Variants in GPM6B observed in about 807,000 individuals in gnomAD.
GPM6B encodes glycoprotein M6B.
Under a neutral mutation model 27.2 loss-of-function variants are expected in GPM6B, and 4 were observed. The ratio of observed to expected loss-of-function variants is 0.15; its 90% CI spans 0.07 to 0.34. The LOEUF (loss-of-function observed/expected upper bound fraction) is 0.34. Among genes scored for constraint, GPM6B ranks in the 10% least tolerant of loss-of-function variants. The probability of loss-of-function intolerance (pLI) is 1.00; values close to 1 mark genes in which losing one functional copy is unlikely to be tolerated. For synonymous variants in GPM6B, 124 were observed against 103.1 expected, an observed-to-expected ratio of 1.20 and a Z score of -1.23; for missense variants, 183 against 261.9, an observed-to-expected ratio of 0.70 and a Z score of 2.08.
intron 1 of GPM6B, among the ~76,000 whole-genome samples, chrX:13,839,605 C>T (rs1271274470): frequency 1.8e-5 from 2 of 111,238 alleles, no homozygotes; most frequent in African/African-American, 3.3e-5. Context: ...ATTTCCATCT[C>T]GCTTTCTCAT....
intron 1 of GPM6B, among the ~76,000 whole-genome samples, chrX:13,899,753 T>C (rs760804993): frequency 3.6e-5 from 4 of 111,286 alleles, no homozygotes; most frequent in African/African-American, 1.3e-4. Context: ...GTACGGACAT[T>C]GAGCAACTTT....
rs182631539 is a variant in GPM6B at position 13,839,977 on chromosome X, C to T, written c.-197-54169G>A. 9.9e-5 allele frequency among the ~76,000 whole-genome samples: 11 copies of T among 111,295 alleles called. No homozygotes were observed. The South Asian group carries it at 1.5e-3, about 15-fold the overall frequency. On this transcript the variant is annotated intron_variant, in intron 1 of 6. Coordinates refer to the GPM6B transcript ENST00000398361. ...AGGCAGTGTGGTAGTGATAAATGGA[C>T]GTACATGGATTAGTAGAACAGAATA...
At chrX:13,803,923 C>T (rs1166070760) in intron 2 of GPM6B, among the ~76,000 whole-genome samples, 1 of 111,659 alleles carries the variant, frequency 9.0e-6, no homozygotes, top group Non-Finnish European at 1.9e-5. Context: ...TAAATAGAAA[C>T]GGAAAGAAGA....
intron 1 of GPM6B, among the ~76,000 whole-genome samples, chrX:13,832,010 T>C (rs1603058854): frequency 8.9e-6 from 1 of 111,981 alleles, no homozygotes; most frequent in East Asian, 2.8e-4. Context: ...TAAGATTGGT[T>C]AAGATCTTTT....
intron 1 of GPM6B, among the ~76,000 whole-genome samples, chrX:13,871,275 C>T (rs2049975716): frequency 9.0e-6 from 1 of 111,406 alleles, no homozygotes; most frequent in Non-Finnish European, 1.9e-5. Context: ...TGGTTAATTC[C>T]ATCTTCTTAA....
intron 2 of GPM6B, among the ~76,000 whole-genome samples, chrX:13,796,135 G>C (rs1220531816): frequency 9.0e-6 from 1 of 111,339 alleles, no homozygotes; most frequent in African/African-American, 3.3e-5. Context: ...ATGTTGGTCA[G>C]GCTGGTCTCG....
chrX:13,771,349 G>A lies in GPM6B; in HGVS notation c.*1532C>T, dbSNP rs1271956799. On this transcript the variant is annotated 3_prime_UTR_variant, in exon 8 of 8. Coordinates refer to ENST00000316715, the MANE Select transcript of GPM6B (RefSeq NM_001001995.3). ...GAAAACAAAACACTAAGCTATTTTG[G>A]AACAACTGTTCTACACAGAAGAGAG... The A allele has an allele frequency of 2.8e-5, 3 of 106,894 alleles. No individual in the cohort carries two copies. Among genetic ancestry groups the A allele is most frequent in the African/African-American group, 1.0e-4 (3 of 29,109 alleles). 8.8% of individuals were successfully genotyped at this position (106,894 alleles called of 1,213,427 possible).
intron 1 of GPM6B, among the ~76,000 whole-genome samples, chrX:13,930,522 A>G (rs1273033717): frequency 9.0e-6 from 1 of 111,577 alleles, no homozygotes; most frequent in African/African-American, 3.3e-5. Flanking sequence ...ACTGAGGCAG[A>G]AGAATGGCGT....
At chrX:13,836,451 C>G (rs1200934197) in intron 1 of GPM6B, among the ~76,000 whole-genome samples, 1 of 112,232 alleles carries the variant, frequency 8.9e-6, no homozygotes, top group Non-Finnish European at 1.9e-5. Context: ...TAGTTTCTAT[C>G]CAATGAAGTT....
At chrX:13,908,286 A>G (rs551538624) in intron 1 of GPM6B, among the ~76,000 whole-genome samples, 1 of 111,963 alleles carries the variant, frequency 8.9e-6, no homozygotes, top group Admixed American at 9.5e-5. Flanking sequence ...TATCACCAGC[A>G]GTGAGATATA....
At chrX:13,877,031 G>T (rs980481355) in intron 1 of GPM6B, among the ~76,000 whole-genome samples, 4 of 110,716 alleles carry the variant, frequency 3.6e-5, no homozygotes, top group Non-Finnish European at 5.7e-5. Context: ...GCAAGGCCTG[G>T]GTCACAGGGC....
At chrX:13,862,874 T>TG (rs1446134244) in intron 1 of GPM6B, among the ~76,000 whole-genome samples, 1 of 108,107 alleles carries the variant, frequency 9.3e-6, no homozygotes, top group Non-Finnish European at 1.9e-5. Context: ...TTTTTTTTTT[T>TG]TCTGTAGAGA....
At chrX:13,902,197 A>G (rs1332810185) in intron 1 of GPM6B, among the ~76,000 whole-genome samples, 1 of 111,863 alleles carries the variant, frequency 8.9e-6, no homozygotes, top group African/African-American at 3.3e-5. Context: ...GATCCCATTT[A>G]GTAAGGTCTT....
chrX:13,820,527 T>C (rs983496576), upstream of GPM6B, among the ~76,000 whole-genome samples: 1 of 110,847 alleles, frequency 9.0e-6, no homozygotes, highest in Admixed American at 9.6e-5. Flanking sequence ...GAGAGCAGCA[T>C]CCGGGAGTCT....
At chrX:13,932,312 G>A (rs1921613023) in intron 1 of GPM6B, among the ~76,000 whole-genome samples, 1 of 111,554 alleles carries the variant, frequency 9.0e-6, no homozygotes, top group African/African-American at 3.3e-5. Context: ...CTATCTTCCT[G>A]CTCATGCTTG....
At chrX:13,880,757 C>G (rs768538269) in intron 1 of GPM6B, among the ~76,000 whole-genome samples, 1 of 107,647 alleles carries the variant, frequency 9.3e-6, no homozygotes, top group East Asian at 3.2e-4. Context: ...AAATTTCAAA[C>G]TCTTTATCAA....
At chrX:13,935,351 A>AAC (rs1299223868) in intron 1 of GPM6B, among the ~76,000 whole-genome samples, 3 of 105,370 alleles carry the variant, frequency 2.8e-5, no homozygotes. Context: ...AAAAAAAAAA[A>AAC]AAAAAACTGT....
intron 4 of GPM6B, 50 bp from the exon 5 acceptor site, chrX:13,780,039 G>C (rs769982336): frequency 4.8e-6 from 5 of 1,039,833 alleles, no homozygotes; most frequent in Non-Finnish European, 6.6e-6. Context: ...AGGTAGATGT[G>C]TGTCCCCTAA....
At position 13,839,139 on chromosome X, in the gene GPM6B, G is replaced by C. The variant is rs764534538; in HGVS notation, c.-197-53331C>G. On this transcript the variant is annotated intron_variant, in intron 1 of 6. Coordinates refer to the GPM6B transcript ENST00000398361. The stretch of plus-strand genomic sequence containing the variant: ...CCTGGAAGCTTCATCTATATAAGAA[G>C]AACCTTGGCTTCCACAACCCCCCTT... 5.9e-4 allele frequency among the ~76,000 whole-genome samples: 66 copies of C among 111,526 alleles called. 1 individual carries two copies. The highest frequency in any genetic ancestry group is 5.1e-3 in the Admixed American group (54 of 10,574).
Sources: allele counts gnomAD v4.1 joint callset (sites outside exome capture counted in the v4.1 genomes callset), GRCh38; gene constraint gnomAD v4.1.1; transcripts MANE v1.5; gene names NCBI Gene and HGNC (gene_info 2026-07-23, HGNC 2026-07-21).